The following SERPINB4 variants were observed in gnomAD, a reference collection of about 807,000 sequenced individuals.
The protein encoded by SERPINB4 is serpin B4.
SERPINB4 carries 39 observed loss-of-function variants against 33.2 expected under a neutral mutation model. That is an observed-to-expected ratio of 1.18 (90% confidence interval 0.91 to 1.53). SERPINB4 has a LOEUF of 1.53. Among genes scored for constraint, SERPINB4 ranks in the 40% most tolerant of loss-of-function variants. The probability of loss-of-function intolerance (pLI) is 0.00; values close to 1 mark genes in which losing one functional copy is unlikely to be tolerated. For synonymous variants in SERPINB4, 191 were observed against 166.4 expected (o/e 1.15, Z -1.14); for missense variants, 564 against 455.4 (o/e 1.24, Z -2.17).
At position 63,641,905 on chromosome 18, in the gene SERPINB4, G is replaced by A. The variant is rs2518060; in HGVS notation, c.223-17C>T. On this transcript the variant is annotated splice_polypyrimidine_tract_variant and intron_variant, in intron 3 of 7. Transcript: ENST00000341074. ...CCTATCAACCTTCAAACATCAAAAA[G>A]GGAGATCATTCAATTGCTGTATCAA... 283,793 of 1,560,520 alleles carry A rather than the reference G, an allele frequency of 0.18. 31,108 individuals carry two copies. The highest frequency in any genetic ancestry group is 0.23 in the Middle Eastern group (1,381 of 5,900).
intron 7 of SERPINB4, 51 bp from the exon 8 acceptor site, chr18:63,638,174 A>G: frequency 1.9e-6 from 3 of 1,560,524 alleles, no homozygotes; most frequent in Non-Finnish European, 2.6e-6. Context: ...GATCTCTAAT[A>G]CACCTTAACA....
chr18:63,640,397 A>G (rs1913086716), intron 5 of SERPINB4, among the ~76,000 whole-genome samples: 1 of 152,044 alleles, frequency 6.6e-6, no homozygotes, highest in Admixed American at 6.6e-5. Context: ...AGCTGTGATA[A>G]TCCCTGCAGA....
intron 3 of SERPINB4, 101 bp downstream of exon 3, chr18:63,643,060 T>G (rs1235587750): frequency 6.9e-7 from 1 of 1,442,090 alleles, no homozygotes; most frequent in Non-Finnish European, 9.6e-7. Context: ...TGTCCAAGAT[T>G]TTCCCTAAAA....
At chr18:63,643,016 A>G (rs1050614940) in intron 3 of SERPINB4, 145 bp downstream of exon 3, 7 of 914,594 alleles carry the variant, frequency 7.7e-6, no homozygotes, top group Admixed American at 2.5e-5. Flanking sequence ...ATGTGCCATG[A>G]AATGCCAACC....
At chr18:63,643,135 C>T (rs542110713) in intron 3 of SERPINB4, 26 bp downstream of exon 3, 2 of 1,613,044 alleles carry the variant, frequency 1.2e-6, no homozygotes, top group African/African-American at 2.7e-5. Context: ...GGATCTAAAG[C>T]TGAACCATAG....
At chr18:63,643,373 A>T (rs1598930068) in intron 2 of SERPINB4, 40 bp downstream of exon 2, 1 of 1,612,634 alleles carries the variant, frequency 6.2e-7, no homozygotes, top group Middle Eastern at 1.7e-4. Context: ...GGAACCAGAG[A>T]AAAACTGCAA....
chr18:63,643,158 C>T lies in SERPINB4; in HGVS notation c.222+3G>A. The T allele has an allele frequency of 6.2e-7, 1 of 1,613,250 alleles. No homozygotes were observed. Among genetic ancestry groups the T allele is most frequent in the Non-Finnish European group, 8.5e-7 (1 of 1,179,506 alleles). ...AGCTGAACCATAGTGCTCTGTGACT[C>T]ACATGATATGTTGCAGCTTTTTCTG... On this transcript the variant is annotated splice_donor_region_variant and intron_variant, in intron 3 of 7. Transcript: ENST00000341074.
At chr18:63,644,084 G>A (rs1913231948) in intron 1 of SERPINB4, 125 bp downstream of exon 1, 1 of 154,890 alleles carries the variant, frequency 6.5e-6, no homozygotes, top group African/African-American at 2.4e-5. Context: ...TTTTAATTTT[G>A]CTCTGGCAGA....
intron 2 of SERPINB4, 31 bp from the exon 3 acceptor site, chr18:63,643,248 C>T (rs769569950): frequency 6.2e-7 from 1 of 1,613,082 alleles, no homozygotes; most frequent in Non-Finnish European, 8.5e-7. Context: ...GACAAGAAAA[C>T]TTTACTCAAA....
In SERPINB4 at chr18:63,637,925, G is replaced by T. The variant is rs1371137589; in HGVS notation, c.967C>A (p.Leu323Ile). The T allele has an allele frequency of 1.2e-6, 2 of 1,613,496 alleles. No individual in the cohort carries two copies. The highest frequency in any genetic ancestry group is 4.5e-5 in the East Asian group (2 of 44,878). Residue 323 changes from leucine to isoleucine, a missense_variant, in exon 8 of 8, where the codon CTC becomes ATC. Leu to Ile is a conservative substitution (Grantham distance 5). Coordinates refer to ENST00000341074, the MANE Select transcript of SERPINB4 (RefSeq NM_002974.4). ...DLSGMTWSHG[L>I]SVSKVLHKAF... Reference sequence around the variant, plus strand: ...TTGTGTAGGACTTTAGATACTGAGAGACCGTGGCTCCAGGTCATGCCTGAG... The same window carrying T: ...TTGTGTAGGACTTTAGATACTGAGATACCGTGGCTCCAGGTCATGCCTGAG...
chr18:63,640,764 C>G, intron 5 of SERPINB4, 110 bp downstream of exon 5: 1 of 882,006 alleles, frequency 1.1e-6, no homozygotes, highest in Non-Finnish European at 1.8e-6. Flanking sequence ...CTTCAGCCCT[C>G]CCTGCAAACC....
intron 7 of SERPINB4, 57 bp downstream of exon 7, chr18:63,639,128 G>A: frequency 6.6e-7 from 1 of 1,520,486 alleles, no homozygotes; most frequent in East Asian, 2.3e-5. Flanking sequence ...TTTAAACTTG[G>A]TATCTTTGGA....
At chr18:63,642,159 C>T (rs1334910822) in intron 3 of SERPINB4, among the ~76,000 whole-genome samples, 1 of 152,086 alleles carries the variant, frequency 6.6e-6, no homozygotes, top group East Asian at 1.9e-4. Flanking sequence ...AGATTTTCTC[C>T]TTGTTGGTTT....
rs759984707 is a variant in SERPINB4, at chr18:63,637,726, G to T, written c.1166C>A (p.Ser389Tyr). The change falls in exon 8 of 8, where the codon TCC becomes TAC. Residue 389 changes from serine to tyrosine, a missense_variant. Transcript: ENST00000341074. ...NSILFYGRFS[S>Y]P is the part of the protein sequence containing the mutation. ...GTGACAGACTAATTGCATCTATGGG[G>T]ATGAGAATCTGCCATAGAAGAGGAT... The T allele has an allele frequency of 1.2e-6, 2 of 1,603,662 alleles. No individual in the cohort carries two copies. The highest frequency in any genetic ancestry group is 4.5e-5 in the East Asian group (2 of 44,822).
intron 7 of SERPINB4, 57 bp downstream of exon 7, chr18:63,639,128 G>T: frequency 6.6e-7 from 1 of 1,520,484 alleles, no homozygotes; most frequent in Non-Finnish European, 8.9e-7. Context: ...TTTAAACTTG[G>T]TATCTTTGGA....
Position 63,637,642 on chromosome 18 carries a change from C to G in SERPINB4, c.*77G>C, listed in dbSNP as rs1912968164. 2.8e-6 allele frequency: 4 copies of G among 1,411,312 alleles called. No homozygotes were observed. The highest frequency in any genetic ancestry group is 2.3e-5 in the Admixed American group (1 of 42,950). The allele number at this position is 1,411,312 out of a possible 1,614,324, so 87.4% of individuals were successfully genotyped here. A position where few individuals can be genotyped will look rare whatever the true frequency, so the allele number is the denominator to read the frequency against. On this transcript the variant is annotated 3_prime_UTR_variant, in exon 8 of 8. Transcript: ENST00000341074. ...GAAAAGAAATATGAGCCAAGAGAAT[C>G]TGTTGTTGCCAGCAATCAGTTTACC...
In SERPINB4 at chr18:63,641,041, A is replaced by T. The variant is rs771276876; in HGVS notation, c.352-50T>A. Reference sequence around the variant, plus strand: ...GGAATTAGGAGTAATTTATGTAACTATATATTACCAAACTTACTTATTTGT... The same window carrying T: ...GGAATTAGGAGTAATTTATGTAACTTTATATTACCAAACTTACTTATTTGT... On this transcript the variant is annotated intron_variant, in intron 4 of 7. Transcript: ENST00000341074. 6.2e-6 allele frequency: 9 copies of T among 1,459,714 alleles called. No individual in the cohort carries two copies. The East Asian group carries it at 2.0e-4, about 33-fold the overall frequency. 90.4% of individuals were successfully genotyped at this position (1,459,714 alleles called of 1,614,324 possible).
chr18:63,641,981 G>C lies in SERPINB4; in HGVS notation c.223-93C>G, dbSNP rs1913149741. On this transcript the variant is annotated intron_variant, in intron 3 of 7. Coordinates refer to ENST00000341074, the MANE Select transcript of SERPINB4 (RefSeq NM_002974.4). ...CTGTTAGATCAGTCCCTAAATGCTG[G>C]TAGTCTCATTGAGGACCTTTGATGT... The C allele has an allele frequency of 2.6e-6, 4 of 1,561,446 alleles. No homozygotes were observed. The South Asian group carries it at 4.6e-5, about 18-fold the overall frequency.
chr18:63,638,055 A>G lies in SERPINB4; in HGVS notation c.837T>C (p.Cys279=), dbSNP rs188021365. 1.9e-6 allele frequency: 3 copies of G among 1,613,420 alleles called. No homozygotes were observed. The East Asian group carries it at 6.7e-5, about 36-fold the overall frequency. ...TGAACCGAGGTAAGTGTAAATCGAC[A>G]CATGTCTCTCTCATATTCTGCAAAC... The part of the protein sequence containing the change: ...WTSLQNMRET[C]VDLHLPRFKM... The change falls in exon 8 of 8, where the codon TGT becomes TGC. Residue 279 remains cysteine, a synonymous_variant. Coordinates refer to ENST00000341074, the MANE Select transcript of SERPINB4 (RefSeq NM_002974.4).
Sources: allele counts gnomAD v4.1 joint callset (sites outside exome capture counted in the v4.1 genomes callset), GRCh38; gene constraint gnomAD v4.1.1; transcripts MANE v1.5; gene names NCBI Gene and HGNC (gene_info 2026-07-23, HGNC 2026-07-21).